Variants in SPG7 observed in about 807,000 individuals in gnomAD.
SPG7 encodes SPG7 matrix AAA peptidase subunit, paraplegin.
SPG7 carries 103 observed loss-of-function variants against 81.9 expected under a neutral mutation model. The observed-to-expected ratio is 1.26, with a 90% CI of 1.07 to 1.48. SPG7 has a LOEUF of 1.48. Among genes scored for constraint, SPG7 ranks in the 40% most tolerant of loss-of-function variants. SPG7 has a pLI of 0.00. For synonymous variants in SPG7, 534 were observed against 444.2 expected, an observed-to-expected ratio of 1.20 and a Z score of -2.54; for missense variants, 1,241 against 1,087.3, an observed-to-expected ratio of 1.14 and a Z score of -1.99.
Position 89,537,156 on chromosome 16 carries a change from C to A in SPG7, c.1324+4520C>A, listed in dbSNP as rs1020171018. ...GTCCCAGGCCAGGCTTTGTTGCTTC[C>A]GTTCATGGAAGCGCACAGGATAGGG... On this transcript the variant is annotated intron_variant, in intron 9 of 16. Transcript: ENST00000645818. 2.1e-6 allele frequency: 3 copies of A among 1,455,828 alleles called. No homozygotes were observed. In the Admixed American group the frequency reaches 7.5e-5, roughly 37 times the overall value. 90.2% of individuals were successfully genotyped at this position (1,455,828 alleles called of 1,614,324 possible).
chr16:89,550,355 T>A (rs2058620622), intron 12 of SPG7, 139 bp from the exon 13 acceptor site: 6 of 702,310 alleles, frequency 8.5e-6, no homozygotes, highest in Non-Finnish European at 1.6e-5. Flanking sequence ...CTATTTTTAG[T>A]AGGGACGGGG....
intron 13 of SPG7, chr16:89,551,362 G>A (rs1372431678): frequency 6.4e-6 from 1 of 157,192 alleles, no homozygotes; most frequent in Non-Finnish European, 1.4e-5. Context: ...GTCAGTGCTG[G>A]TCTCCGTGAT....
chr16:89,532,810 G>A (rs929654330), intron 9 of SPG7, 174 bp downstream of exon 9: 50 of 778,064 alleles, frequency 6.4e-5, no homozygotes, highest in African/African-American at 3.3e-4. Context: ...CAGACCCGGC[G>A]CAGTGGCTCA....
Position 89,553,847 on chromosome 16 carries a change from C to T in SPG7, c.1990C>T (p.Gln664Ter). 6.2e-7 allele frequency: 1 copy of T among 1,613,558 alleles called. No individual in the cohort carries two copies. Among genetic ancestry groups the T allele is most frequent in the Non-Finnish European group, 8.5e-7 (1 of 1,180,024 alleles). Residue 664 changes from glutamine to a stop codon, truncating the protein, a stop_gained, in exon 15 of 17, where the codon CAG becomes TAG. Coordinates refer to ENST00000645818, the MANE Select transcript of SPG7 (RefSeq NM_003119.4). LOFTEE classifies it high-confidence loss of function. The stretch of plus-strand genomic sequence containing the variant: ...CCGCATCGCCTACTCCATGGTGAAG[C>T]AGTTTGGGATGGCACCTGGCATCGG... Reference protein sequence around the residue: ...VTRIAYSMVKQFGMAPGIGPI... With the variant: ...VTRIAYSMVK
In SPG7 at chr16:89,546,598, C is replaced by T. The variant is rs1035001077; in HGVS notation, c.1450-60C>T. The stretch of plus-strand genomic sequence containing the variant: ...CCCCCCCCCCCACAGACAAACATGC[C>T]GCACCTGTGGCAGTAACTAGGCTTG... On this transcript the variant is annotated intron_variant, in intron 10 of 16. Coordinates refer to ENST00000645818, the MANE Select transcript of SPG7 (RefSeq NM_003119.4). 74 of 1,144,422 alleles carry T rather than the reference C, an allele frequency of 6.5e-5. 1 individual carries two copies. The highest frequency in any genetic ancestry group is 2.3e-4 in the South Asian group (19 of 81,676). 70.9% of individuals were successfully genotyped at this position (1,144,422 alleles called of 1,614,324 possible).
chr16:89,554,308 G>A (rs2058666183), intron 15 of SPG7, among the ~76,000 whole-genome samples, 178 bp from the exon 16 acceptor site: 1 of 152,210 alleles, frequency 6.6e-6, no homozygotes, highest in African/African-American at 2.4e-5. Context: ...GGGCTGGCAT[G>A]CGGAGCCCTG....
intron 12 of SPG7, chr16:89,548,315 T>C (rs542779563): frequency 1.8e-6 from 1 of 555,682 alleles, no homozygotes; most frequent in East Asian, 3.0e-5. Flanking sequence ...TACCTAAGAG[T>C]AGACGCTCGT....
In SPG7 at chr16:89,524,298, C is replaced by T. The variant is rs768487847; in HGVS notation, c.618+51C>T. On this transcript the variant is annotated intron_variant, in intron 4 of 16. Coordinates refer to ENST00000645818, the MANE Select transcript of SPG7 (RefSeq NM_003119.4). ...GAGTGAGGGTGTGGGCACAGGCTGG[C>T]AGCCTGTGAGAGTGAGGCTGTGGGC... is the stretch of plus-strand genomic sequence containing the variant. 4 of 1,575,778 alleles carry T rather than the reference C, an allele frequency of 2.5e-6. No homozygotes were observed. In the East Asian group the frequency reaches 9.0e-5, roughly 35 times the overall value.
Position 89,524,214 on chromosome 16 carries a change from C to A in SPG7, c.585C>A (p.Tyr195Ter). 2 of 1,613,202 alleles carry A rather than the reference C, an allele frequency of 1.2e-6. No individual in the cohort carries two copies. The highest frequency in any genetic ancestry group is 1.7e-5 in the Admixed American group (1 of 60,016). ...VVPESDVVEV[Y>*]LHPGAVVFGR... ...CTGAGAGCGACGTGGTGGAAGTCTA[C>A]CTGCACCCTGGAGCCGTGGTGTTTG... The change falls in exon 4 of 17, where the codon TAC (tyrosine) becomes TAA (stop). Residue 195 changes from tyrosine (Y) to a stop codon, truncating the protein, a stop_gained. Coordinates refer to ENST00000645818, the MANE Select transcript of SPG7 (RefSeq NM_003119.4). LOFTEE classifies it high-confidence loss of function.
At chr16:89,521,847 C>G (rs1251797415) in intron 3 of SPG7, 1 of 152,174 alleles carries the variant, frequency 6.6e-6, no homozygotes, top group Non-Finnish European at 1.5e-5. Flanking sequence ...CAGCATGGGT[C>G]GTGATTCTGG....
At chr16:89,518,403 G>A (rs997316071) in intron 3 of SPG7, 6 of 152,274 alleles carry the variant, frequency 3.9e-5, no homozygotes, top group Non-Finnish European at 7.4e-5. Context: ...CTGATAACAC[G>A]AATGAACCTG....
chr16:89,524,346 G>T (rs1413919652), intron 4 of SPG7, 99 bp downstream of exon 4: 3 of 1,361,048 alleles, frequency 2.2e-6, no homozygotes, highest in Non-Finnish European at 3.0e-6. Context: ...GGGTGTGGGC[G>T]CTGGCTGTTG....
chr16:89,552,840 CTGT>C (rs1382801192), intron 13 of SPG7, 136 bp from the exon 14 acceptor site: 34 of 783,118 alleles, frequency 4.3e-5, no homozygotes, highest in East Asian at 4.3e-4. Flanking sequence ...TTAGGATCCC[CTGT>C]TGTTGTAGAG....
chr16:89,508,423 C>T lies in SPG7; in HGVS notation c.6C>T (p.Ala2=), dbSNP rs1339691699. The T allele has an allele frequency of 1.1e-5, 16 of 1,490,320 alleles. No individual in the cohort carries two copies. The East Asian group carries it at 1.7e-4, about 16-fold the overall frequency. 92.3% of individuals were successfully genotyped at this position (1,490,320 alleles called of 1,614,324 possible). M[A]VLLLLLRALR... ...GGCGCGGCTTTCAGGCCAACATGGCCGTGCTGCTGCTGCTGCTCCGTGCCC... is the reference window on the plus strand; with the variant it reads ...GGCGCGGCTTTCAGGCCAACATGGCTGTGCTGCTGCTGCTGCTCCGTGCCC... The change falls in exon 1 of 17, where the codon GCC becomes GCT. Residue 2 remains alanine (A), a synonymous_variant. Transcript: ENST00000645818.
intron 9 of SPG7, among the ~76,000 whole-genome samples, chr16:89,535,628 T>A: frequency 6.6e-6 from 1 of 152,106 alleles, no homozygotes; most frequent in Non-Finnish European, 1.5e-5. Flanking sequence ...GGTGAGCAGT[T>A]CAGATTCTGT....
chr16:89,548,946 G>A (rs550136324), intron 12 of SPG7: 33 of 454,450 alleles, frequency 7.3e-5, no homozygotes, highest in African/African-American at 5.0e-4. Context: ...CCCTCAATTC[G>A]AGTGAATTCC....
intron 16 of SPG7, chr16:89,555,895 G>C (rs553412137): frequency 3.3e-5 from 13 of 398,668 alleles, no homozygotes; most frequent in African/African-American, 2.7e-4. Flanking sequence ...TGTGTGTCAC[G>C]TGGGGATCGT....
At chr16:89,532,143 C>A in intron 8 of SPG7, 77 bp downstream of exon 8, 1 of 1,484,830 alleles carries the variant, frequency 6.7e-7, no homozygotes, top group Non-Finnish European at 9.3e-7. Context: ...CCTCTGGTGT[C>A]TGGACTGAAA....
chr16:89,550,362 G>A lies in SPG7; in HGVS notation c.1664-132G>A, dbSNP rs541669084. 4.0e-5 allele frequency: 29 copies of A among 727,254 alleles called. No individual in the cohort carries two copies. Among genetic ancestry groups the A allele is most frequent in the Admixed American group, 2.4e-4 (13 of 53,924 alleles). The allele number at this position is 727,254 out of a possible 1,614,324, so 45.1% of individuals were successfully genotyped here. A position where few individuals can be genotyped will look rare whatever the true frequency, so the allele number is the denominator to read the frequency against. On this transcript the variant is annotated intron_variant, in intron 12 of 16. Coordinates refer to ENST00000645818, the MANE Select transcript of SPG7 (RefSeq NM_003119.4). ...TAATTTTTCTATTTTTAGTAGGGACGGGGTTTCACCATATTGGTCGGGCTG... is the reference window on the plus strand; with the variant it reads ...TAATTTTTCTATTTTTAGTAGGGACAGGGTTTCACCATATTGGTCGGGCTG...
Sources: allele counts gnomAD v4.1 joint callset (sites outside exome capture counted in the v4.1 genomes callset), GRCh38; gene constraint gnomAD v4.1.1; transcripts MANE v1.5; gene names NCBI Gene and HGNC (gene_info 2026-07-23, HGNC 2026-07-21).